Variants in OXR1 observed in about 807,000 individuals in gnomAD.
OXR1 encodes oxidation resistance 1.
OXR1 carries 41 observed loss-of-function variants against 104.6 expected under a neutral mutation model. That is an observed-to-expected ratio of 0.39 (90% confidence interval 0.31 to 0.51). The LOEUF (loss-of-function observed/expected upper bound fraction) is 0.51, where lower values mean the gene tolerates loss of function less well. OXR1 is among the 20% of genes least tolerant of loss of function. OXR1 has a pLI of 0.77. For synonymous variants in OXR1, 348 were observed against 348.4 expected (o/e 1.00, Z 0.01); for missense variants, 955 against 1,031.9 (o/e 0.93, Z 1.02).
chr8:106,708,035 TC>T (rs1453164705), intron 9 of OXR1, among the ~76,000 whole-genome samples: 1 of 152,140 alleles, frequency 6.6e-6, no homozygotes, highest in Non-Finnish European at 1.5e-5. Context: ...GTTATGCAGA[TC>T]ATCACTACTG....
chr8:106,728,936 T>C (rs1384654329), intron 11 of OXR1, among the ~76,000 whole-genome samples: 1 of 152,192 alleles, frequency 6.6e-6, no homozygotes, highest in Non-Finnish European at 1.5e-5. Flanking sequence ...AAATTTAGGC[T>C]TTCATATATG....
intron 2 of OXR1, among the ~76,000 whole-genome samples, chr8:106,451,886 G>C (rs1381455424): frequency 6.6e-6 from 1 of 152,186 alleles, no homozygotes; most frequent in Non-Finnish European, 1.5e-5. Flanking sequence ...GTGAGACTGA[G>C]AGTTACATGC....
At chr8:106,526,543 G>GT (rs1813675073) in intron 3 of OXR1, among the ~76,000 whole-genome samples, 1 of 152,118 alleles carries the variant, frequency 6.6e-6, no homozygotes, top group African/African-American at 2.4e-5. Context: ...AGGGAAGTTG[G>GT]TTTTTTGTTT....
intron 1 of OXR1, among the ~76,000 whole-genome samples, chr8:106,301,794 T>G (rs977394507): frequency 6.6e-6 from 1 of 152,234 alleles, no homozygotes; most frequent in African/African-American, 2.4e-5. Flanking sequence ...GGGAGTTATA[T>G]GACAGAATAG....
intron 3 of OXR1, among the ~76,000 whole-genome samples, chr8:106,656,822 A>T (rs1370194985): frequency 6.7e-5 from 7 of 104,620 alleles, no homozygotes; most frequent in South Asian, 3.0e-4. Context: ...TCAACCAGTT[A>T]AAAAAAAAAA....
intron 11 of OXR1, chr8:106,729,904 A>G (rs1397314922): frequency 6.6e-6 from 1 of 152,186 alleles, no homozygotes; most frequent in African/African-American, 2.4e-5. Context: ...GTTATGAGGC[A>G]TAATAGTAAA....
At chr8:106,489,286 C>G (rs1487208773) in intron 2 of OXR1, among the ~76,000 whole-genome samples, 1 of 152,016 alleles carries the variant, frequency 6.6e-6, no homozygotes, top group Non-Finnish European at 1.5e-5. Context: ...TATCCTGAGA[C>G]TTTGCTGAAG....
chr8:106,596,470 G>A (rs1342209368), intron 3 of OXR1, among the ~76,000 whole-genome samples: 8 of 151,826 alleles, frequency 5.3e-5, no homozygotes, highest in Non-Finnish European at 1.5e-5. Flanking sequence ...AACTTATGAA[G>A]AGCCCTGCCA....
intron 1 of OXR1, among the ~76,000 whole-genome samples, chr8:106,277,512 A>C (rs568595603): frequency 1.4e-4 from 21 of 152,328 alleles, no homozygotes; most frequent in African/African-American, 4.3e-4. Flanking sequence ...ACTCTCAAGA[A>C]TCATAAAGCC....
At chr8:106,472,909 G>A (rs537132256) in intron 2 of OXR1, among the ~76,000 whole-genome samples, 3 of 151,604 alleles carry the variant, frequency 2.0e-5, no homozygotes, top group Non-Finnish European at 2.9e-5. Context: ...TTTTTGTTTT[G>A]TTGGTTGTTT....
intron 2 of OXR1, among the ~76,000 whole-genome samples, chr8:106,442,786 G>A (rs1049333436): frequency 2.0e-5 from 3 of 152,020 alleles, no homozygotes; most frequent in African/African-American, 7.2e-5. Context: ...TTTTTATTGT[G>A]TCTATTTGAT....
At chr8:106,496,070 A>G (rs774653402) in intron 2 of OXR1, among the ~76,000 whole-genome samples, 1 of 152,148 alleles carries the variant, frequency 6.6e-6, no homozygotes, top group Non-Finnish European at 1.5e-5. Flanking sequence ...TTATTTTCCT[A>G]CTCAAGTCCA....
At chr8:106,465,288 A>G (rs577176928) in intron 2 of OXR1, among the ~76,000 whole-genome samples, 1 of 152,032 alleles carries the variant, frequency 6.6e-6, no homozygotes, top group African/African-American at 2.4e-5. Flanking sequence ...TTGAAGGACA[A>G]TGTGATTAAA....
At chr8:106,582,175 G>GAAATATATATATATAT (rs1376386650) in intron 3 of OXR1, among the ~76,000 whole-genome samples, 1 of 60,126 alleles carries the variant, frequency 1.7e-5, no homozygotes, top group African/African-American at 1.2e-4. Flanking sequence ...TTTTTCTATT[G>GAAATATATATATATAT]ACATATATAT....
chr8:106,387,869 T>C (rs1817441328), intron 2 of OXR1, among the ~76,000 whole-genome samples: 1 of 152,194 alleles, frequency 6.6e-6, no homozygotes, highest in African/African-American at 2.4e-5. Flanking sequence ...TCTAAATCTG[T>C]TTACAGTAAC....
intron 3 of OXR1, chr8:106,657,984 A>T: frequency 1.6e-6 from 2 of 1,248,444 alleles, no homozygotes; most frequent in Non-Finnish European, 2.0e-6. Flanking sequence ...GCCCCGCGGC[A>T]GCATGGACTA....
At chr8:106,326,284 C>T (rs1312638572) in intron 1 of OXR1, among the ~76,000 whole-genome samples, 1 of 152,172 alleles carries the variant, frequency 6.6e-6, no homozygotes, top group African/African-American at 2.4e-5. Flanking sequence ...AAAACAACAA[C>T]CATGATGAGT....
At chr8:106,555,021 C>T (rs1816158375) in intron 3 of OXR1, among the ~76,000 whole-genome samples, 1 of 152,088 alleles carries the variant, frequency 6.6e-6, no homozygotes, top group African/African-American at 2.4e-5. Context: ...GTTTTAGTCC[C>T]TGTGGCATTA....
chr8:106,548,717 C>CT (rs1198823308), intron 3 of OXR1, among the ~76,000 whole-genome samples: 5 of 152,134 alleles, frequency 3.3e-5, no homozygotes, highest in Admixed American at 2.0e-4. Context: ...GAGGGAATGG[C>CT]TACATATAAA....
Sources: gnomAD v4.1 joint callset for allele counts (sites outside exome capture counted in the v4.1 genomes callset) on GRCh38, gnomAD v4.1.1 for gene constraint, MANE v1.5 for transcripts, NCBI Gene and HGNC (gene_info 2026-07-23, HGNC 2026-07-21) for gene names.